PUSL1: variants seen among roughly 807,000 people sequenced by gnomAD.
The protein encoded by PUSL1 is tRNA pseudouridine synthase-like 1.
A neutral mutation model predicts 30.7 loss-of-function variants in PUSL1; 51 were observed. That is an observed-to-expected ratio of 1.66 (90% CI 1.33 to 2.10). The LOEUF is 2.10. PUSL1 is among the 30% of genes most tolerant of loss of function. The probability of loss-of-function intolerance (pLI) is 0.00; values close to 1 mark genes in which losing one functional copy is unlikely to be tolerated. For missense variants in PUSL1, 609 were observed against 427.6 expected (o/e 1.42, Z -3.74); for synonymous variants, 290 against 192.1 (o/e 1.51, Z -4.21).
chr1:1,310,016 C>G, intron 5 of PUSL1, 165 bp downstream of exon 5: 1 of 558,280 alleles, frequency 1.8e-6, no homozygotes, highest in South Asian at 2.5e-5. Flanking sequence ...CCCCAGCCTC[C>G]AGCTGTGCCC....
chr1:1,311,323 T>C lies in PUSL1; in HGVS notation c.863-7T>C, dbSNP rs1557625193. 6.4e-7 allele frequency: 1 copy of C among 1,565,822 alleles called. No homozygotes were observed. The highest frequency in any genetic ancestry group is 8.7e-7 in the Non-Finnish European group (1 of 1,153,154). ...CCAGGCTGACGCAGGGTCTGGTCCGTCCACAGGTGCTGCCTCCTGCACCCT... is the reference window on the plus strand; with the variant it reads ...CCAGGCTGACGCAGGGTCTGGTCCGCCCACAGGTGCTGCCTCCTGCACCCT... On this transcript the variant is annotated splice_polypyrimidine_tract_variant and splice_region_variant and intron_variant, in intron 7 of 7. Transcript: ENST00000379031.
In PUSL1 at chr1:1,309,093, C is replaced by T; in HGVS notation, c.143C>T (p.Ala48Val). 9 of 1,490,362 alleles carry T rather than the reference C, an allele frequency of 6.0e-6. No individual in the cohort carries two copies. The highest frequency in any genetic ancestry group is 8.0e-6 in the Non-Finnish European group (9 of 1,129,194). The allele number at this position is 1,490,362 out of a possible 1,614,324, so 92.3% of individuals were successfully genotyped here. Residue 48 changes from alanine to valine, a missense_variant, in exon 3 of 8, where the codon GCC (alanine) becomes GTC (valine). Transcript: ENST00000379031. ...VGVQNYLEEA[A>V]ERLNSVEPVR... ...CGCGGCTCGGTCCTGCAGGAGGCCG[C>T]CGAGCGGCTGAATTCCGTGGAGCCG...
chr1:1,311,000 T>G lies in PUSL1; in HGVS notation c.791T>G (p.Leu264Arg). 6.2e-7 allele frequency: 1 copy of G among 1,612,722 alleles called. No individual in the cohort carries two copies. The highest frequency in any genetic ancestry group is 8.5e-7 in the Non-Finnish European group (1 of 1,179,942). ...VKTILESQDP[L>R]GKHQTRVAPA... The stretch of plus-strand genomic sequence containing the variant: ...ACGATTCTGGAGAGCCAAGATCCCC[T>G]GGGCAAGCACCAGACACGTGTAGCC... Residue 264 changes from leucine to arginine, a missense_variant, in exon 7 of 8, where the codon CTG becomes CGG. Coordinates refer to ENST00000379031, the MANE Select transcript of PUSL1 (RefSeq NM_153339.3).
At position 1,309,676 on chromosome 1, in the gene PUSL1, T is replaced by C; in HGVS notation, c.474-5T>C. ...CCCTCCTGACGGTCACCCTGGTCCC[T>C]GAAGCTGCCTGGATATGGTCGCCAT... On this transcript the variant is annotated splice_region_variant and splice_polypyrimidine_tract_variant and intron_variant, in intron 4 of 7. Coordinates refer to ENST00000379031, the MANE Select transcript of PUSL1 (RefSeq NM_153339.3). 1.3e-6 allele frequency: 2 copies of C among 1,595,564 alleles called. No individual in the cohort carries two copies. The highest frequency in any genetic ancestry group is 1.7e-6 in the Non-Finnish European group (2 of 1,167,106).
rs374385109 is a variant in PUSL1 at position 1,309,161 on chromosome 1, G to C, written c.211G>C (p.Ala71Pro). 1 of 1,536,322 alleles carries C rather than the reference G, an allele frequency of 6.5e-7. No homozygotes were observed. The highest frequency in any genetic ancestry group is 1.4e-5 in the African/African-American group (1 of 72,518). Residue 71 changes from alanine (A) to proline (P), a missense_variant, in exon 3 of 8, where the codon GCC becomes CCC. Physicochemically the swap from Ala to Pro is conservative, Grantham distance 27. Coordinates refer to ENST00000379031, the MANE Select transcript of PUSL1 (RefSeq NM_153339.3). The part of the protein sequence containing the change: ...ISSRTDAGVH[A>P]LSNAAHLDVQ... ...CAGCCGCACGGACGCCGGGGTCCACGCCCTGAGCAACGCGGCGCACCTGGA... is the reference window on the plus strand; with the variant it reads ...CAGCCGCACGGACGCCGGGGTCCACCCCCTGAGCAACGCGGCGCACCTGGA...
chr1:1,311,414 G>C lies in PUSL1; in HGVS notation c.*35G>C, dbSNP rs1054267100. ...CTCAAGCCAAAGTTAGGCCACACCAGGCCCAACCCTGTGCTGGTCAAGCCA... is the reference window on the plus strand; with the variant it reads ...CTCAAGCCAAAGTTAGGCCACACCACGCCCAACCCTGTGCTGGTCAAGCCA... On this transcript the variant is annotated 3_prime_UTR_variant, in exon 8 of 8. Transcript: ENST00000379031. The C allele has an allele frequency of 3.8e-6, 6 of 1,588,692 alleles. No individual in the cohort carries two copies. The Admixed American group carries it at 8.8e-5, about 23-fold the overall frequency.
Position 1,310,690 on chromosome 1 carries a change from T to A in PUSL1, c.699+2T>A, listed in dbSNP as rs760054479. 5 of 1,609,114 alleles carry A rather than the reference T, an allele frequency of 3.1e-6. No individual in the cohort carries two copies. Among genetic ancestry groups the A allele is most frequent in the Non-Finnish European group, 3.4e-6 (4 of 1,177,172 alleles). On this transcript the variant is annotated splice_donor_variant, in intron 6 of 7. Coordinates refer to ENST00000379031, the MANE Select transcript of PUSL1 (RefSeq NM_153339.3). LOFTEE classifies it high-confidence loss of function. ...AGCCAGTCTTTCCTGTATAGACAGG[T>A]AGGCTCTGTTCTGGGGCCGTCCCCA...
In PUSL1 at chr1:1,309,814, G is replaced by C. The variant is rs535366534; in HGVS notation, c.607G>C (p.Gly203Arg). The stretch of plus-strand genomic sequence containing the variant: ...GCTGCGCCGGGTCTCCGTTTCCCCA[G>C]GCCAAGCCAGCCCCTTGGTCACCCC... ...RTLRRVSVSP[G>R]QASPLVTPEE... Residue 203 changes from glycine (G) to arginine (R), a missense_variant, in exon 5 of 8, where the codon GGC (glycine) becomes CGC (arginine). Physicochemically the swap from Gly to Arg is moderately radical, Grantham distance 125. Transcript: ENST00000379031. 9.7e-6 allele frequency: 15 copies of C among 1,549,188 alleles called. No individual in the cohort carries two copies. The South Asian group carries it at 1.5e-4, about 16-fold the overall frequency.
chr1:1,309,575 CGCAACCTATGCT>C lies in PUSL1; in HGVS notation c.447_458del (p.Asn150_Trp153del). 1.9e-6 allele frequency: 3 copies of C among 1,612,060 alleles called. No homozygotes were observed. The South Asian group carries it at 3.3e-5, about 18-fold the overall frequency. On this transcript the variant is annotated inframe_deletion, in exon 4 of 8. Transcript: ENST00000379031. ...GCGTGATGAGCTGCCGGTGTTTGAA[CGCAACCTATGCT>C]GGACTCTCCCGGCAGAGTGAGTGTG...
In PUSL1 at chr1:1,311,549, G is replaced by C. The variant is rs1182091629; in HGVS notation, c.*170G>C. On this transcript the variant is annotated 3_prime_UTR_variant, in exon 8 of 8. Coordinates refer to ENST00000379031, the MANE Select transcript of PUSL1 (RefSeq NM_153339.3). Reference sequence around the variant, plus strand: ...GCCCGTCTCTGTCCCAGGCGGGATGGGGCACAGTGCAGGACACAGCCATGT... The same window carrying C: ...GCCCGTCTCTGTCCCAGGCGGGATGCGGCACAGTGCAGGACACAGCCATGT... 4.0e-6 allele frequency: 3 copies of C among 758,502 alleles called. No individual in the cohort carries two copies. The East Asian group carries it at 8.0e-5, about 20-fold the overall frequency. The allele number at this position is 758,502 out of a possible 1,614,324, so 47.0% of individuals were successfully genotyped here.
intron 5 of PUSL1, 184 bp downstream of exon 5, chr1:1,310,035 G>C (rs1161368232): frequency 3.6e-6 from 2 of 558,470 alleles, no homozygotes; most frequent in East Asian, 6.1e-5. Context: ...CCTCCCCCCA[G>C]GCTGGGGAGC....
rs563462883 is a variant in PUSL1, at chr1:1,310,682, T to G, written c.693T>G (p.Tyr231Ter). 8 of 1,606,404 alleles carry G rather than the reference T, an allele frequency of 5.0e-6. No homozygotes were observed. In the Admixed American group the frequency reaches 8.4e-5, roughly 17 times the overall value. Residue 231 changes from tyrosine to a stop codon, truncating the protein, a stop_gained, in exon 6 of 8, where the codon TAT (tyrosine) becomes TAG (stop). Coordinates refer to ENST00000379031, the MANE Select transcript of PUSL1 (RefSeq NM_153339.3). LOFTEE classifies it high-confidence loss of function. ...NLEFESQSFLYRQVRRMTAVL... is the reference protein window; with the variant it reads ...NLEFESQSFL ...AGTTTGAGAGCCAGTCTTTCCTGTA[T>G]AGACAGGTAGGCTCTGTTCTGGGGC...
rs1161368232 is a variant in PUSL1, at chr1:1,310,035, G to A, written c.644+184G>A. 7.2e-6 allele frequency: 4 copies of A among 558,470 alleles called. No homozygotes were observed. The South Asian group carries it at 9.5e-5, about 13-fold the overall frequency. 34.6% of individuals were successfully genotyped at this position (558,470 alleles called of 1,614,324 possible). A position where few individuals can be genotyped will look rare whatever the true frequency, so the allele number is the denominator to read the frequency against. On this transcript the variant is annotated intron_variant, in intron 5 of 7. Transcript: ENST00000379031. Reference sequence around the variant, plus strand: ...AGCCTCCAGCTGTGCCCTCCCCCCAGGCTGGGGAGCGGAGAACAGGGAAGG... The same window carrying A: ...AGCCTCCAGCTGTGCCCTCCCCCCAAGCTGGGGAGCGGAGAACAGGGAAGG...
At position 1,311,670 on chromosome 1, in the gene PUSL1, A is replaced by T. The variant is rs1223581686; in HGVS notation, c.*291A>T. 1 of 719,462 alleles carries T rather than the reference A, an allele frequency of 1.4e-6. No homozygotes were observed. The highest frequency in any genetic ancestry group is 2.4e-6 in the Non-Finnish European group (1 of 408,276). 44.6% of individuals were successfully genotyped at this position (719,462 alleles called of 1,614,324 possible). A position where few individuals can be genotyped will look rare whatever the true frequency, so the allele number is the denominator to read the frequency against. On this transcript the variant is annotated 3_prime_UTR_variant, in exon 8 of 8. Transcript: ENST00000379031. The stretch of plus-strand genomic sequence containing the variant: ...CCCTAACCAGGAATAAAGGCAAGAC[A>T]GCCTGGAGACCAGTTTGTTTCTTCA...
chr1:1,309,900 A>T, intron 5 of PUSL1, 49 bp downstream of exon 5: 1 of 1,384,794 alleles, frequency 7.2e-7, no homozygotes, highest in Non-Finnish European at 9.6e-7. Context: ...TCACGTGCTG[A>T]TTTTAGCTCC....
chr1:1,308,750 C>T lies in PUSL1; in HGVS notation c.77+30C>T, dbSNP rs757194880. The T allele has an allele frequency of 2.7e-6, 4 of 1,501,924 alleles. No individual in the cohort carries two copies. In the Admixed American group the frequency reaches 6.5e-5, roughly 24 times the overall value. The allele number at this position is 1,501,924 out of a possible 1,614,324, so 93.0% of individuals were successfully genotyped here. A position where few individuals can be genotyped will look rare whatever the true frequency, so the allele number is the denominator to read the frequency against. On this transcript the variant is annotated intron_variant, in intron 1 of 7. Coordinates refer to ENST00000379031, the MANE Select transcript of PUSL1 (RefSeq NM_153339.3). Reference sequence around the variant, plus strand: ...GTTTCCCAGGCGCAGCGGCGGGCGCCACGTGGGCCCGGGCGGAGGCGGGAA... The same window carrying T: ...GTTTCCCAGGCGCAGCGGCGGGCGCTACGTGGGCCCGGGCGGAGGCGGGAA...
In PUSL1 at chr1:1,311,327, C is replaced by A; in HGVS notation, c.863-3C>A. 1 of 1,570,464 alleles carries A rather than the reference C, an allele frequency of 6.4e-7. No homozygotes were observed. Among genetic ancestry groups the A allele is most frequent in the African/African-American group, 1.3e-5 (1 of 74,452 alleles). ...GCTGACGCAGGGTCTGGTCCGTCCACAGGTGCTGCCTCCTGCACCCTGCAG... is the reference window on the plus strand; with the variant it reads ...GCTGACGCAGGGTCTGGTCCGTCCAAAGGTGCTGCCTCCTGCACCCTGCAG... On this transcript the variant is annotated splice_polypyrimidine_tract_variant and splice_region_variant and intron_variant, in intron 7 of 7. Transcript: ENST00000379031.
chr1:1,308,933 G>C lies in PUSL1; in HGVS notation c.96G>C (p.Arg32Ser). The C allele has an allele frequency of 7.0e-7, 1 of 1,421,174 alleles. No individual in the cohort carries two copies. The allele number at this position is 1,421,174 out of a possible 1,614,324, so 88.0% of individuals were successfully genotyped here. Residue 32 changes from arginine (R) to serine (S), a missense_variant, in exon 2 of 8, where the codon AGG becomes AGC. Coordinates refer to ENST00000379031, the MANE Select transcript of PUSL1 (RefSeq NM_153339.3). ...GTDFNGVAAV[R>S]GTQRAVGVQN... is the part of the protein sequence containing the mutation. ...CCCGCAGCGGGGTCGCGGCCGTCAGGGGCACTCAGCGCGCCGTCGGGGTCC... is the reference window on the plus strand; with the variant it reads ...CCCGCAGCGGGGTCGCGGCCGTCAGCGGCACTCAGCGCGCCGTCGGGGTCC...
chr1:1,311,517 C>T lies in PUSL1; in HGVS notation c.*138C>T, dbSNP rs1027429064. The T allele has an allele frequency of 1.4e-5, 13 of 902,160 alleles. No individual in the cohort carries two copies. Among genetic ancestry groups the T allele is most frequent in the Non-Finnish European group, 2.3e-5 (13 of 566,946 alleles). 55.9% of individuals were successfully genotyped at this position (902,160 alleles called of 1,614,324 possible). ...AGCCTCCCTGCCCGGGTCCCAGCAC[C>T]CTGGATGCCCGTCTCTGTCCCAGGC... On this transcript the variant is annotated 3_prime_UTR_variant, in exon 8 of 8. Coordinates refer to ENST00000379031, the MANE Select transcript of PUSL1 (RefSeq NM_153339.3).
Sources: allele counts gnomAD v4.1 joint callset, GRCh38; gene constraint gnomAD v4.1.1; transcripts MANE v1.5; gene names NCBI Gene and HGNC (gene_info 2026-07-23, HGNC 2026-07-21).